INPP5J: variants seen among roughly 807,000 people sequenced by gnomAD.
INPP5J encodes the protein phosphatidylinositol 4,5-bisphosphate 5-phosphatase A.
A neutral mutation model predicts 86.6 loss-of-function variants in INPP5J; 75 were observed. That is an observed-to-expected ratio of 0.87 (90% CI 0.72 to 1.05). The LOEUF (loss-of-function observed/expected upper bound fraction) is 1.05. Ranked by LOEUF, INPP5J falls within the 50% of genes least tolerant of loss-of-function variation. INPP5J has a pLI of 0.00. For missense variants in INPP5J, 1,229 were observed against 1,341.2 expected (o/e 0.92, Z 1.31); for synonymous variants, 540 against 550.0 (o/e 0.98, Z 0.25).
chr22:31,127,891 A>G (rs1277420044), intron 6 of INPP5J, 60 bp from the exon 7 acceptor site: 7 of 985,924 alleles, frequency 7.1e-6, no homozygotes, highest in Non-Finnish European at 1.1e-5. Context: ...CTTATCCTCC[A>G]TGGACCTGTT....
intron 1 of INPP5J, 23 bp from the exon 2 acceptor site, chr22:31,124,822 A>G (rs1027354137): frequency 1.3e-6 from 2 of 1,594,994 alleles, no homozygotes; most frequent in East Asian, 2.2e-5. Context: ...GTCACTCTGA[A>G]TCTTTGACTT....
rs1218691872 is a variant in INPP5J, at chr22:31,134,389, G to A, written c.2991G>A (p.Arg997=). 6.8e-7 allele frequency: 1 copy of A among 1,474,506 alleles called. No individual in the cohort carries two copies. The highest frequency in any genetic ancestry group is 9.0e-7 in the Non-Finnish European group (1 of 1,111,338). 91.3% of individuals were successfully genotyped at this position (1,474,506 alleles called of 1,614,324 possible). A position where few individuals can be genotyped will look rare whatever the true frequency, so the allele number is the denominator to read the frequency against. The change falls in exon 13 of 13, where the codon CGG becomes CGA. Residue 997 remains arginine (R), a synonymous_variant. Transcript: ENST00000331075. The part of the protein sequence containing the change: ...NSLSPSPQGH[R]GLEEGGLGP Reference sequence around the variant, plus strand: ...TGTCTCCTAGTCCCCAGGGCCATCGGGGGCTGGAGGAAGGGGGCCTGGGGC... The same window carrying A: ...TGTCTCCTAGTCCCCAGGGCCATCGAGGGCTGGAGGAAGGGGGCCTGGGGC...
In INPP5J at chr22:31,124,895, C is replaced by A. The variant is rs763288191; in HGVS notation, c.156C>A (p.Pro52=). The A allele has an allele frequency of 6.2e-7, 1 of 1,613,900 alleles. No individual in the cohort carries two copies. ...LPAKKNAALG[P]SEPRLALAPV... ...CAAAGAAGAACGCAGCCCTAGGACC[C>A]TCGGAACCAAGGTTGGCTCTGGCAC... is the stretch of plus-strand genomic sequence containing the variant. The change falls in exon 2 of 13, where the codon CCC becomes CCA. Residue 52 remains proline, a synonymous_variant. Transcript: ENST00000331075.
In INPP5J at chr22:31,125,206, G is replaced by T; in HGVS notation, c.467G>T (p.Gly156Val). 1 of 1,550,462 alleles carries T rather than the reference G, an allele frequency of 6.4e-7. No homozygotes were observed. The highest frequency in any genetic ancestry group is 8.7e-7 in the Non-Finnish European group (1 of 1,146,964). ...AGPRSPPVTL[G>V]PNLAPTSRDQ... ...CCAAGATCTCCCCCAGTCACCCTGG[G>T]GCCCAATCTGGCCCCAACCTCCAGA... The change falls in exon 2 of 13, where the codon GGG (glycine) becomes GTG (valine). Residue 156 changes from glycine to valine, a missense_variant. Physicochemically the swap from Gly to Val is moderately radical, Grantham distance 109. Transcript: ENST00000331075.
At position 31,125,369 on chromosome 22, in the gene INPP5J, G is replaced by C; in HGVS notation, c.630G>C (p.Leu210=). ...STPSPVPSPV[L]SPTQEQALAP... is the part of the protein sequence containing the mutation. ...CTTCCCCGGTGCCCAGTCCAGTTCT[G>C]TCTCCAACTCAGGAACAGGCCCTGG... The change falls in exon 2 of 13, where the codon CTG becomes CTC. Residue 210 remains leucine, a synonymous_variant. Coordinates refer to ENST00000331075, the MANE Select transcript of INPP5J (RefSeq NM_001284285.2). The C allele has an allele frequency of 6.4e-7, 1 of 1,550,520 alleles. No homozygotes were observed. Among genetic ancestry groups the C allele is most frequent in the East Asian group, 2.4e-5 (1 of 40,902 alleles).
rs1921729066 is a variant in INPP5J, at chr22:31,128,500, A to C, written c.2039A>C (p.Asp680Ala). 1 of 1,613,394 alleles carries C rather than the reference A, an allele frequency of 6.2e-7. No individual in the cohort carries two copies. The highest frequency in any genetic ancestry group is 8.5e-7 in the Non-Finnish European group (1 of 1,179,848). ...AAGAAACGGAAGCCAGCTTGGACAG[A>C]CCGTATCCTATGGAAGGTCAAGGCT... ...SAKKRKPAWT[D>A]RILWKVKAPG... is the part of the protein sequence containing the mutation. Residue 680 changes from aspartate (D) to alanine (A), a missense_variant, in exon 9 of 13, where the codon GAC becomes GCC. By Grantham distance (126) the Asp-to-Ala change is moderately radical. Transcript: ENST00000331075.
chr22:31,128,100 C>T (rs189495543), intron 7 of INPP5J, 38 bp downstream of exon 7: 3 of 1,506,652 alleles, frequency 2.0e-6, no homozygotes, highest in South Asian at 2.3e-5. Context: ...AGAGCATGTC[C>T]CAGGACACGC....
intron 11 of INPP5J, 23 bp downstream of exon 11, chr22:31,133,506 T>A: frequency 6.2e-7 from 1 of 1,608,632 alleles, no homozygotes; most frequent in Non-Finnish European, 8.5e-7. Context: ...AGTGGGAGAG[T>A]CAGGGCAAGT....
In INPP5J at chr22:31,133,192, C is replaced by T. The variant is rs1345485935; in HGVS notation, c.2288C>T (p.Thr763Ile). The change falls in exon 10 of 13, where the codon ACA becomes ATA. Residue 763 changes from threonine to isoleucine, a missense_variant. Transcript: ENST00000331075. ...GCGGTGGTGAGGTACCGCATGGAAACAGTGTTCGCCCGCAGCTCCTGGGAC... is the reference window on the plus strand; with the variant it reads ...GCGGTGGTGAGGTACCGCATGGAAATAGTGTTCGCCCGCAGCTCCTGGGAC... Reference protein sequence around the residue: ...EQAVVRYRMETVFARSSWDWI... With the variant: ...EQAVVRYRMEIVFARSSWDWI... 2.5e-6 allele frequency: 4 copies of T among 1,600,324 alleles called. No homozygotes were observed. The African/African-American group carries it at 4.0e-5, about 16-fold the overall frequency.
intron 9 of INPP5J, among the ~76,000 whole-genome samples, 168 bp downstream of exon 9, chr22:31,128,822 T>C (rs1921767708): frequency 6.6e-6 from 1 of 152,066 alleles, no homozygotes; most frequent in Non-Finnish European, 1.5e-5. Flanking sequence ...ATGAGGAAGC[T>C]GAGGCTCAGA....
chr22:31,134,006 G>C lies in INPP5J; in HGVS notation c.2608G>C (p.Ala870Pro). The C allele has an allele frequency of 6.2e-7, 1 of 1,611,604 alleles. No individual in the cohort carries two copies. Among genetic ancestry groups the C allele is most frequent in the Non-Finnish European group, 8.5e-7 (1 of 1,179,324 alleles). Residue 870 changes from alanine (A) to proline (P), a missense_variant, in exon 13 of 13, where the codon GCA becomes CCA. Coordinates refer to ENST00000331075, the MANE Select transcript of INPP5J (RefSeq NM_001284285.2). ...GGATGACAGCACACTGGAGCTCCTT[G>C]CACCCAAGTCCCGCAGCCCCAGTCC... Reference protein sequence around the residue: ...GEDDSTLELLAPKSRSPSPGK... With the variant: ...GEDDSTLELLPPKSRSPSPGK...
chr22:31,133,163 G>A lies in INPP5J; in HGVS notation c.2259G>A (p.Glu753=), dbSNP rs767221883. ...TGGCAGATGAGTGGGTGCGGCCCGA[G>A]CAGGCGGTGGTGAGGTACCGCATGG... is the stretch of plus-strand genomic sequence containing the variant. ...LEVADEWVRP[E]QAVVRYRMET... Residue 753 remains glutamate, a synonymous_variant, in exon 10 of 13, where the codon GAG becomes GAA. Transcript: ENST00000331075. 22 of 1,584,238 alleles carry A rather than the reference G, an allele frequency of 1.4e-5. No homozygotes were observed. The highest frequency in any genetic ancestry group is 1.7e-5 in the Non-Finnish European group (20 of 1,166,238).
chr22:31,129,720 T>TTAC (rs944905966), intron 9 of INPP5J, among the ~76,000 whole-genome samples: 2 of 150,550 alleles, frequency 1.3e-5, no homozygotes, highest in Admixed American at 1.3e-4. Flanking sequence ...ATTTTTGTAT[T>TTAC]TAGTAGAGAT....
In INPP5J at chr22:31,127,974, T is replaced by C. The variant is rs755313347; in HGVS notation, c.1811T>C (p.Leu604Pro). ...DHDLVFWFGD[L>P]NFRIESYDLH... The stretch of plus-strand genomic sequence containing the variant: ...AGCCTCGTGTTCTGGTTCGGGGACC[T>C]GAACTTCCGCATTGAGAGCTATGAC... The change falls in exon 7 of 13, where the codon CTG becomes CCG. Residue 604 changes from leucine to proline, a missense_variant. By Grantham distance (98) the Leu-to-Pro change is moderately conservative. Transcript: ENST00000331075. The C allele has an allele frequency of 2.5e-6, 4 of 1,573,566 alleles. No homozygotes were observed. The Admixed American group carries it at 5.2e-5, about 20-fold the overall frequency.
Position 31,125,427 on chromosome 22 carries a change from G to A in INPP5J, c.688G>A (p.Val230Met). 2 of 1,550,664 alleles carry A rather than the reference G, an allele frequency of 1.3e-6. No homozygotes were observed. Among genetic ancestry groups the A allele is most frequent in the Non-Finnish European group, 1.7e-6 (2 of 1,146,990 alleles). ...PASTASGAASVGQTSARKRDA... is the reference protein window; with the variant it reads ...PASTASGAASMGQTSARKRDA... The stretch of plus-strand genomic sequence containing the variant: ...ATCCACGGCATCAGGCGCAGCCTCT[G>A]TGGGACAGACATCAGCTAGAAAGAG... The change falls in exon 2 of 13, where the codon GTG (valine) becomes ATG (methionine). Residue 230 changes from valine to methionine, a missense_variant. Coordinates refer to ENST00000331075, the MANE Select transcript of INPP5J (RefSeq NM_001284285.2).
At chr22:31,128,362 T>C in intron 8 of INPP5J, 39 bp downstream of exon 8, 1 of 1,564,572 alleles carries the variant, frequency 6.4e-7, no homozygotes, top group Non-Finnish European at 8.7e-7. Flanking sequence ...GGAAGTGGGC[T>C]GAGGTCTTCT....
intron 1 of INPP5J, among the ~76,000 whole-genome samples, chr22:31,124,427 A>C (rs1275340618): frequency 6.6e-6 from 1 of 152,216 alleles, no homozygotes; most frequent in Non-Finnish European, 1.5e-5. Context: ...GGCTGTCCCC[A>C]GTGTGCCCAG....
intron 1 of INPP5J, 57 bp downstream of exon 1, chr22:31,123,176 C>T (rs1012948799): frequency 9.3e-7 from 1 of 1,071,480 alleles, no homozygotes; most frequent in African/African-American, 1.7e-5. Flanking sequence ...TCCACACACC[C>T]CCCCCACATA....
chr22:31,130,529 T>A (rs1207183210), intron 9 of INPP5J, among the ~76,000 whole-genome samples: 2 of 150,752 alleles, frequency 1.3e-5, no homozygotes, highest in Non-Finnish European at 3.0e-5. Context: ...AAAAAAAAAA[T>A]TCACATATGC....
Sources: allele counts gnomAD v4.1 joint callset (sites outside exome capture counted in the v4.1 genomes callset), GRCh38; gene constraint gnomAD v4.1.1; transcripts MANE v1.5; gene names NCBI Gene and HGNC (gene_info 2026-07-23, HGNC 2026-07-21).